Variants in MAN1A2 observed in about 807,000 individuals in gnomAD.
MAN1A2 encodes the protein mannosidase alpha class 1A member 2.
MAN1A2 carries 26 observed loss-of-function variants against 75.7 expected under a neutral mutation model. That is an observed-to-expected ratio of 0.34 (90% CI 0.25 to 0.48). The LOEUF is 0.48. Ranked by LOEUF, MAN1A2 falls within the 20% of genes least tolerant of loss-of-function variation. MAN1A2 has a pLI of 0.99. For synonymous variants in MAN1A2, 247 were observed against 264.6 expected (o/e 0.93, Z 0.65); for missense variants, 562 against 775.5 (o/e 0.72, Z 3.27).
intron 8 of MAN1A2, among the ~76,000 whole-genome samples, chr1:117,486,514 A>G (rs1009149668): frequency 6.6e-6 from 1 of 152,016 alleles, no homozygotes; most frequent in Non-Finnish European, 1.5e-5. Flanking sequence ...ACTTTAGTCA[A>G]ATAACTCGGA....
intron 1 of MAN1A2, among the ~76,000 whole-genome samples, chr1:117,384,587 G>T (rs1054041489): frequency 6.6e-6 from 1 of 152,070 alleles, no homozygotes; most frequent in Non-Finnish European, 1.5e-5. Context: ...TACTGGGTAG[G>T]TGCTCTGCAT....
intron 1 of MAN1A2, 52 bp downstream of exon 1, chr1:117,368,537 G>A (rs771840872): frequency 2.5e-5 from 36 of 1,466,618 alleles, no homozygotes; most frequent in Admixed American, 4.5e-5. Context: ...GCAAGGTACG[G>A]TGATTGGATC....
rs114260298 is a variant in MAN1A2, at chr1:117,514,731, G to A, written c.1794-8094G>A. On this transcript the variant is annotated intron_variant, in intron 12 of 12. Coordinates refer to ENST00000356554, the MANE Select transcript of MAN1A2 (RefSeq NM_006699.5). Reference sequence around the variant, plus strand: ...TATATTTTGGAGAGAGAGAATCAGTGGGATCATTGTGGGTGAGGATTCTCA... The same window carrying A: ...TATATTTTGGAGAGAGAGAATCAGTAGGATCATTGTGGGTGAGGATTCTCA... 734 of 473,778 alleles carry A rather than the reference G, an allele frequency of 1.5e-3. 8 individuals carry two copies. Among genetic ancestry groups the A allele is most frequent in the African/African-American group, 0.013 (666 of 50,144 alleles). 29.3% of individuals were successfully genotyped at this position (473,778 alleles called of 1,614,324 possible).
intron 1 of MAN1A2, among the ~76,000 whole-genome samples, chr1:117,378,566 G>T (rs1470032503): frequency 6.6e-6 from 1 of 151,826 alleles, no homozygotes; most frequent in African/African-American, 2.4e-5. Flanking sequence ...ATGTTCTTGG[G>T]CACATGTGTT....
chr1:117,432,677 A>G (rs1457485331), intron 5 of MAN1A2, among the ~76,000 whole-genome samples: 3 of 152,132 alleles, frequency 2.0e-5, no homozygotes, highest in African/African-American at 7.2e-5. Flanking sequence ...GAATTATATC[A>G]AATAAGAAAG....
At chr1:117,387,995 C>A (rs959949181) in intron 1 of MAN1A2, among the ~76,000 whole-genome samples, 1 of 149,512 alleles carries the variant, frequency 6.7e-6, no homozygotes, top group Non-Finnish European at 1.5e-5. Context: ...ACCCCCTCCC[C>A]CTATCATCTC....
intron 1 of MAN1A2, among the ~76,000 whole-genome samples, chr1:117,370,365 C>A (rs1004972065): frequency 6.6e-6 from 1 of 152,036 alleles, no homozygotes; most frequent in Admixed American, 6.5e-5. Flanking sequence ...GGAATCTATT[C>A]GGTTCCTGAG....
chr1:117,447,593 T>A (rs948134228), intron 6 of MAN1A2, among the ~76,000 whole-genome samples: 1 of 152,188 alleles, frequency 6.6e-6, no homozygotes, highest in Non-Finnish European at 1.5e-5. Context: ...ATGGCTCTTA[T>A]CGAACCTTTT....
intron 5 of MAN1A2, among the ~76,000 whole-genome samples, chr1:117,441,445 A>G (rs1333005464): frequency 6.6e-6 from 1 of 152,192 alleles, no homozygotes; most frequent in Non-Finnish European, 1.5e-5. Flanking sequence ...GATAGACTTG[A>G]TGCATATAAG....
intron 5 of MAN1A2, among the ~76,000 whole-genome samples, chr1:117,424,294 A>G (rs1648296384): frequency 6.6e-6 from 1 of 152,134 alleles, no homozygotes; most frequent in Non-Finnish European, 1.5e-5. Flanking sequence ...TACAAAGTTG[A>G]ATAGTAATGG....
At chr1:117,471,985 T>TA (rs1459999516) in intron 8 of MAN1A2, among the ~76,000 whole-genome samples, 1 of 151,822 alleles carries the variant, frequency 6.6e-6, no homozygotes. Context: ...AGGAAAGGCT[T>TA]ACAGCAGAAG....
intron 4 of MAN1A2, 126 bp downstream of exon 4, chr1:117,414,957 G>A (rs1456451198): frequency 1.9e-5 from 11 of 572,662 alleles, no homozygotes; most frequent in Admixed American, 7.6e-5. Context: ...CTAATGTGAC[G>A]GTACTAGAAG....
intron 6 of MAN1A2, among the ~76,000 whole-genome samples, chr1:117,459,898 C>T (rs940778045): frequency 2.6e-5 from 4 of 152,128 alleles, no homozygotes; most frequent in East Asian, 3.9e-4. Flanking sequence ...GATACTGTCC[C>T]GATCATTCAC....
intron 1 of MAN1A2, among the ~76,000 whole-genome samples, chr1:117,391,516 C>G (rs945070604): frequency 2.6e-5 from 4 of 152,060 alleles, no homozygotes; most frequent in Admixed American, 2.6e-4. Context: ...ACATATTGAC[C>G]TCATTAATAC....
chr1:117,506,113 A>G (rs1651353160), intron 12 of MAN1A2, among the ~76,000 whole-genome samples: 1 of 145,176 alleles, frequency 6.9e-6, no homozygotes, highest in African/African-American at 2.4e-5. Context: ...TTAAAACTTT[A>G]TAGAGGAATG....
chr1:117,498,373 T>C (rs978026543), intron 10 of MAN1A2, among the ~76,000 whole-genome samples: 4 of 151,826 alleles, frequency 2.6e-5, no homozygotes, highest in African/African-American at 9.7e-5. Flanking sequence ...TCATATAGCA[T>C]ACATTCTAAA....
rs901150469 is a variant in MAN1A2, at chr1:117,417,550, TATATATATGTG to T, written c.774+2730_774+2740del. 5.6e-5 allele frequency among the ~76,000 whole-genome samples: 8 copies of T among 142,234 alleles called. No homozygotes were observed. In the East Asian group the frequency reaches 8.0e-4, roughly 14 times the overall value. 93.3% of individuals were successfully genotyped at this position (142,234 alleles called of 152,430 possible). On this transcript the variant is annotated intron_variant, in intron 4 of 12. Coordinates refer to ENST00000356554, the MANE Select transcript of MAN1A2 (RefSeq NM_006699.5). ...TTGAGTTTAAATATATATATATATATATATATATGTGATATATATGTTTTATAAAAATACAT... is the reference window on the plus strand; with the variant it reads ...TTGAGTTTAAATATATATATATATATATATATATGTTTTATAAAAATACAT...
At chr1:117,412,341 G>A (rs1647848946) in intron 3 of MAN1A2, among the ~76,000 whole-genome samples, 1 of 151,520 alleles carries the variant, frequency 6.6e-6, no homozygotes, top group Non-Finnish European at 1.5e-5. Flanking sequence ...GTGCTTGTCT[G>A]TTGTTACATT....
chr1:117,406,996 CCTAT>C (rs1338823733), intron 3 of MAN1A2, among the ~76,000 whole-genome samples: 1 of 151,928 alleles, frequency 6.6e-6, no homozygotes, highest in Non-Finnish European at 1.5e-5. Context: ...AGATACTGGT[CCTAT>C]CTGTTTATCA....
Sources: allele counts gnomAD v4.1 joint callset (sites outside exome capture counted in the v4.1 genomes callset), GRCh38; gene constraint gnomAD v4.1.1; transcripts MANE v1.5; gene names NCBI Gene and HGNC (gene_info 2026-07-23, HGNC 2026-07-21).